The following TNKS variants were observed in gnomAD, a reference collection of about 807,000 sequenced individuals.
The protein encoded by TNKS is poly [ADP-ribose] polymerase tankyrase-1.
In TNKS, 72 loss-of-function variants were observed where a neutral mutation model predicts 135.8. That is an observed-to-expected ratio of 0.53 (90% CI 0.44 to 0.64). The LOEUF is 0.64. Ranked by LOEUF, TNKS falls within the 30% of genes least tolerant of loss-of-function variation. The pLI, the probability that TNKS is intolerant of heterozygous loss-of-function variation, is 0.00. For synonymous variants in TNKS, 849 were observed against 649.3 expected (o/e 1.31, Z -4.68); for missense variants, 1,769 against 1,674.0 (o/e 1.06, Z -0.99).
At chr8:9,727,896 ATGTTG>A (rs1805242139) in intron 13 of TNKS, among the ~76,000 whole-genome samples, 1 of 152,134 alleles carries the variant, frequency 6.6e-6, no homozygotes, top group Non-Finnish European at 1.5e-5. Context: ...AGAAATTTTT[ATGTTG>A]TCTTAAATCT....
chr8:9,694,337 G>A (rs1438028380), intron 5 of TNKS, among the ~76,000 whole-genome samples: 1 of 152,038 alleles, frequency 6.6e-6, no homozygotes, highest in African/African-American at 2.4e-5. Flanking sequence ...ATTAAGGAAT[G>A]TTCTCTTTTC....
chr8:9,570,904 G>A (rs1437955934), intron 1 of TNKS, among the ~76,000 whole-genome samples: 1 of 152,182 alleles, frequency 6.6e-6, no homozygotes, highest in African/African-American at 2.4e-5. Flanking sequence ...TGGAAGTCAA[G>A]TTTGCAGTGA....
intron 17 of TNKS, among the ~76,000 whole-genome samples, chr8:9,747,018 G>C (rs1052779580): frequency 6.6e-6 from 1 of 151,132 alleles, no homozygotes; most frequent in Non-Finnish European, 1.5e-5. Flanking sequence ...GAGTAGCTTG[G>C]ATTACAGGCA....
chr8:9,654,975 G>A (rs532723676), intron 3 of TNKS, among the ~76,000 whole-genome samples: 2 of 152,336 alleles, frequency 1.3e-5, no homozygotes, highest in African/African-American at 4.8e-5. Flanking sequence ...AGCGCAAGGG[G>A]TCAGGGAATT....
In TNKS at chr8:9,591,262, A is replaced by G. The variant is rs1039196754; in HGVS notation, c.898+10879A>G. Among the ~76,000 whole-genome samples the G allele has an allele frequency of 4.6e-5, 7 of 152,098 alleles. No homozygotes were observed. The South Asian group carries it at 6.2e-4, about 14-fold the overall frequency. ...TTTTTCCCTAGGTCCATTTGGCTAA[A>G]TGTTTGTGAGTTTATATTGTGTGTG... On this transcript the variant is annotated intron_variant, in intron 2 of 26. Coordinates refer to ENST00000310430, the MANE Select transcript of TNKS (RefSeq NM_003747.3).
chr8:9,714,803 C>T (rs1050041846), intron 11 of TNKS, among the ~76,000 whole-genome samples: 1 of 152,128 alleles, frequency 6.6e-6, no homozygotes, highest in Non-Finnish European at 1.5e-5. Flanking sequence ...CACTGGTTTC[C>T]TACGCCTTGA....
chr8:9,667,545 A>G (rs1490050464), intron 3 of TNKS, among the ~76,000 whole-genome samples: 1 of 152,176 alleles, frequency 6.6e-6, no homozygotes, highest in Admixed American at 6.5e-5. Flanking sequence ...GAGGCATGTG[A>G]CTGCTTTTTG....
intron 20 of TNKS, among the ~76,000 whole-genome samples, chr8:9,755,816 T>C (rs934493777): frequency 7.2e-5 from 11 of 152,192 alleles, no homozygotes; most frequent in African/African-American, 2.2e-4. Context: ...AATGTAGTTA[T>C]TTTATTTCTG....
intron 1 of TNKS, among the ~76,000 whole-genome samples, chr8:9,579,712 G>A (rs1029591962): frequency 3.9e-5 from 6 of 152,032 alleles, no homozygotes; most frequent in East Asian, 1.9e-4. Context: ...CAGGTGACCC[G>A]CCCACCTCGG....
intron 2 of TNKS, among the ~76,000 whole-genome samples, chr8:9,586,309 TA>T (rs1188778795): frequency 1.3e-5 from 2 of 152,186 alleles, no homozygotes; most frequent in Non-Finnish European, 2.9e-5. Context: ...ATACCATAAT[TA>T]AAGTTGGTTA....
intron 2 of TNKS, among the ~76,000 whole-genome samples, chr8:9,585,144 T>TA (rs548916397): frequency 7.0e-4 from 100 of 143,518 alleles, no homozygotes; most frequent in Non-Finnish European, 1.0e-3. Context: ...AAAACCGAAA[T>TA]AAAAAAAAAA....
At chr8:9,773,536 T>C (rs1808059339) in intron 26 of TNKS, among the ~76,000 whole-genome samples, 1 of 152,172 alleles carries the variant, frequency 6.6e-6, no homozygotes, top group South Asian at 2.1e-4. Flanking sequence ...AAGTTATCTG[T>C]AGTGGTAAAT....
chr8:9,583,393 T>G (rs1798245503), intron 2 of TNKS, among the ~76,000 whole-genome samples: 1 of 152,188 alleles, frequency 6.6e-6, no homozygotes, highest in Non-Finnish European at 1.5e-5. Flanking sequence ...ATCAATACAT[T>G]TTCTGCCTTT....
chr8:9,624,458 T>C (rs1264580241), intron 3 of TNKS, among the ~76,000 whole-genome samples: 1 of 152,236 alleles, frequency 6.6e-6, no homozygotes, highest in Non-Finnish European at 1.5e-5. Flanking sequence ...CCCATGCAAT[T>C]GTTAGAAGTA....
At chr8:9,715,760 GA>G (rs1181953171) in intron 11 of TNKS, among the ~76,000 whole-genome samples, 1 of 152,104 alleles carries the variant, frequency 6.6e-6, no homozygotes, top group Non-Finnish European at 1.5e-5. Flanking sequence ...CAATTCATTT[GA>G]AAAATCCTCA....
At chr8:9,747,413 A>G (rs1002483931) in intron 17 of TNKS, among the ~76,000 whole-genome samples, 1 of 152,036 alleles carries the variant, frequency 6.6e-6, no homozygotes, top group African/African-American at 2.4e-5. Flanking sequence ...TCAGGGTCTC[A>G]TCACCTCATG....
In TNKS at chr8:9,694,197, C is replaced by T. The variant is rs371929457; in HGVS notation, c.1108-10466C>T. ...TCACACAAATTTAAATTCACCATGT[C>T]GGATTATCCTTGTCCTCTCTTGACC... On this transcript the variant is annotated intron_variant, in intron 5 of 26. Coordinates refer to ENST00000310430, the MANE Select transcript of TNKS (RefSeq NM_003747.3). 4.3e-4 allele frequency among the ~76,000 whole-genome samples: 66 copies of T among 152,212 alleles called. 1 individual carries two copies. In the East Asian group the frequency reaches 6.6e-3, roughly 15 times the overall value.
At chr8:9,736,428 T>G (rs1805708625) in intron 17 of TNKS, among the ~76,000 whole-genome samples, 1 of 151,832 alleles carries the variant, frequency 6.6e-6, no homozygotes, top group African/African-American at 2.4e-5. Context: ...AATTACTAGC[T>G]AAAACCTCCA....
chr8:9,633,996 T>C (rs1800399942), intron 3 of TNKS, among the ~76,000 whole-genome samples: 1 of 151,948 alleles, frequency 6.6e-6, no homozygotes, highest in Non-Finnish European at 1.5e-5. Flanking sequence ...TTCTTTTAAG[T>C]TGTCATTTCC....
Sources: allele counts gnomAD v4.1 joint callset (sites outside exome capture counted in the v4.1 genomes callset), GRCh38; gene constraint gnomAD v4.1.1; transcripts MANE v1.5; gene names NCBI Gene and HGNC (gene_info 2026-07-23, HGNC 2026-07-21).